XDH: variants seen among roughly 807,000 people sequenced by gnomAD.
XDH encodes the protein xanthine dehydrogenase, also known as xanthine dehydrogenase/oxidase.
XDH carries 138 observed loss-of-function variants against 156.1 expected under a neutral mutation model. That is an observed-to-expected ratio of 0.88 (90% CI 0.77 to 1.02). XDH has a LOEUF of 1.02. Among genes scored for constraint, XDH ranks in the 50% least tolerant of loss-of-function variants. The pLI is 0.00. For synonymous variants in XDH, 669 were observed against 625.7 expected, an observed-to-expected ratio of 1.07 and a Z score of -1.03; for missense variants, 1,849 against 1,684.9, an observed-to-expected ratio of 1.10 and a Z score of -1.71.
rs45523133 is a variant in XDH at position 31,388,277 on chromosome 2, C to T, written c.514G>A (p.Gly172Arg). Residue 172 changes from glycine (G) to arginine (R), a missense_variant, in exon 7 of 36, where the codon GGA becomes AGA. Coordinates refer to ENST00000379416, the MANE Select transcript of XDH (RefSeq NM_000379.4). ...TFARDGGCCG[G>R]DGNNPNCCMN... The stretch of plus-strand genomic sequence containing the variant: ...CAGCAATTTGGATTATTCCCATCTC[C>T]TCCACAGCATCCACCATCCTAGAGA... The T allele has an allele frequency of 0.028, 44,743 of 1,614,034 alleles. 805 individuals are homozygous for T. The highest frequency in any genetic ancestry group is 0.058 in the East Asian group (2,623 of 44,862).
intron 33 of XDH, among the ~76,000 whole-genome samples, chr2:31,340,208 T>C (rs1270920604): frequency 6.6e-6 from 1 of 152,192 alleles, no homozygotes; most frequent in Non-Finnish European, 1.5e-5. Context: ...CATGGGGCAC[T>C]ACCATACCTC....
At chr2:31,403,268 A>G in intron 2 of XDH, 124 bp from the exon 3 acceptor site, 1 of 1,050,384 alleles carries the variant, frequency 9.5e-7, no homozygotes, top group African/African-American at 1.6e-5. Flanking sequence ...CCCCTCAACC[A>G]AGGAAGGCAG....
chr2:31,388,840 A>G (rs1051167677), intron 6 of XDH, among the ~76,000 whole-genome samples: 1 of 152,188 alleles, frequency 6.6e-6, no homozygotes, highest in African/African-American at 2.4e-5. Context: ...ACTTCTTCCC[A>G]GAAAGGTAAA....
At chr2:31,346,178 C>T (rs1010154408) in intron 30 of XDH, among the ~76,000 whole-genome samples, 7 of 152,164 alleles carry the variant, frequency 4.6e-5, no homozygotes, top group African/African-American at 1.7e-4. Flanking sequence ...CACAGCCTCC[C>T]GCCTGCAAGA....
intron 8 of XDH, among the ~76,000 whole-genome samples, chr2:31,387,463 T>G (rs537716966): frequency 1.3e-5 from 2 of 152,308 alleles, no homozygotes; most frequent in South Asian, 4.1e-4. Context: ...GGAGTGCTTA[T>G]GTATTAGATA....
chr2:31,357,907 C>T (rs116531452), intron 24 of XDH, among the ~76,000 whole-genome samples: 32 of 151,882 alleles, frequency 2.1e-4, no homozygotes, highest in Admixed American at 5.2e-4. Context: ...ACAAAACTAC[C>T]ACTTCAGTAT....
chr2:31,367,598 G>C (rs1685953044), intron 20 of XDH, among the ~76,000 whole-genome samples: 1 of 152,292 alleles, frequency 6.6e-6, no homozygotes, highest in East Asian at 1.9e-4. Context: ...GCTAGTTGAA[G>C]ATGGGTAAGG....
At chr2:31,378,767 G>A (rs1300610863) in intron 13 of XDH, among the ~76,000 whole-genome samples, 2 of 152,036 alleles carry the variant, frequency 1.3e-5, no homozygotes, top group African/African-American at 2.4e-5. Context: ...TTTCATGGAA[G>A]GATGTGTTTT....
At chr2:31,365,619 ACAGCCGGGAAG>A in intron 22 of XDH, 75 bp from the exon 23 acceptor site, 1 of 1,563,452 alleles carries the variant, frequency 6.4e-7, no homozygotes, top group Non-Finnish European at 8.8e-7. Context: ...CAGAATAAAA[ACAGCCGGGAAG>A]CCATCTTTTC....
At chr2:31,392,625 A>C (rs1465505735) in intron 6 of XDH, among the ~76,000 whole-genome samples, 1 of 151,966 alleles carries the variant, frequency 6.6e-6, no homozygotes, top group African/African-American at 2.4e-5. Flanking sequence ...GGGTTTCACC[A>C]TGTTGGTCAG....
chr2:31,406,220 A>T (rs1256731806), intron 1 of XDH, among the ~76,000 whole-genome samples: 7 of 152,142 alleles, frequency 4.6e-5, no homozygotes. Context: ...GTTGTGAATT[A>T]GTTGTCACGA....
chr2:31,370,140 G>C (rs965467889), intron 18 of XDH, among the ~76,000 whole-genome samples: 2 of 152,194 alleles, frequency 1.3e-5, no homozygotes, highest in African/African-American at 2.4e-5. Flanking sequence ...CTTTGGCATA[G>C]AGACATCCTG....
Position 31,349,086 on chromosome 2 carries a change from A to G in XDH, c.2970-106T>C, listed in dbSNP as rs1685382738. ...AGGACATCCTTGGGGTTGCCCACAA[A>G]GATGAGAACAGTCAGCTGGTGCACA... is the stretch of plus-strand genomic sequence containing the variant. On this transcript the variant is annotated intron_variant, in intron 26 of 35. Transcript: ENST00000379416. 4 of 1,071,944 alleles carry G rather than the reference A, an allele frequency of 3.7e-6. No individual in the cohort carries two copies. In the South Asian group the frequency reaches 5.4e-5, roughly 14 times the overall value. 66.4% of individuals were successfully genotyped at this position (1,071,944 alleles called of 1,614,324 possible).
chr2:31,351,755 G>T (rs1685487040), intron 24 of XDH, among the ~76,000 whole-genome samples: 2 of 152,180 alleles, frequency 1.3e-5, no homozygotes, highest in Admixed American at 1.3e-4. Flanking sequence ...TTTAATTAAT[G>T]ATTCAGCTGT....
At chr2:31,355,828 G>A (rs1685608971) in intron 24 of XDH, among the ~76,000 whole-genome samples, 1 of 152,078 alleles carries the variant, frequency 6.6e-6, no homozygotes, top group Non-Finnish European at 1.5e-5. Flanking sequence ...AAAGAGATTA[G>A]CAGAATGGAT....
intron 24 of XDH, among the ~76,000 whole-genome samples, chr2:31,355,548 G>C (rs1465419484): frequency 1.3e-5 from 2 of 152,020 alleles, no homozygotes; most frequent in Non-Finnish European, 2.9e-5. Context: ...ACCAAAACTA[G>C]TAAAATGAGA....
At chr2:31,368,506 T>G in intron 19 of XDH, 35 bp downstream of exon 19, 1 of 1,613,418 alleles carries the variant, frequency 6.2e-7, no homozygotes, top group Non-Finnish European at 8.5e-7. Flanking sequence ...GACGGGGAGC[T>G]CACTCCTCTA....
intron 13 of XDH, among the ~76,000 whole-genome samples, chr2:31,377,948 GA>G (rs779599100): frequency 7.9e-5 from 12 of 151,258 alleles, no homozygotes; most frequent in Non-Finnish European, 1.3e-4. Context: ...TTGAGCCTGG[GA>G]CATTGAGGCC....
chr2:31,348,267 C>T lies in XDH; in HGVS notation c.3147+1G>A, dbSNP rs774247008. 1 of 1,614,082 alleles carries T rather than the reference C, an allele frequency of 6.2e-7. No homozygotes were observed. The highest frequency in any genetic ancestry group is 8.5e-7 in the Non-Finnish European group (1 of 1,179,936). On this transcript the variant is annotated splice_donor_variant, in intron 28 of 35. Transcript: ENST00000379416. LOFTEE classifies it high-confidence loss of function. The stretch of plus-strand genomic sequence containing the variant: ...CAACACTGCCAGAGAGGGCTGCTCA[C>T]CTGGACCATTTTGGTATGAAGGCCT...
Sources: allele counts gnomAD v4.1 joint callset (sites outside exome capture counted in the v4.1 genomes callset), GRCh38; gene constraint gnomAD v4.1.1; transcripts MANE v1.5; gene names NCBI Gene and HGNC (gene_info 2026-07-23, HGNC 2026-07-21).